The following CSMD1 variants were observed in gnomAD, a reference collection of about 807,000 sequenced individuals.
The protein encoded by CSMD1 is CUB and Sushi multiple domains 1.
Under a neutral mutation model 417.5 loss-of-function variants are expected in CSMD1, and 213 were observed. The observed-to-expected ratio is 0.51, with a 90% CI of 0.46 to 0.57. The LOEUF (loss-of-function observed/expected upper bound fraction) is 0.57, where lower values mean the gene tolerates loss of function less well. CSMD1 is among the 20% of genes least tolerant of loss of function. CSMD1 has a pLI of 0.00. For missense variants in CSMD1, 6,923 were observed against 4,529.7 expected (o/e 1.53, Z -15.17); for synonymous variants, 2,862 against 1,736.8 (o/e 1.65, Z -16.11).
chr8:3,546,394 G>T (rs1798665702), intron 10 of CSMD1, among the ~76,000 whole-genome samples: 1 of 152,112 alleles, frequency 6.6e-6, no homozygotes, highest in South Asian at 2.1e-4. Context: ...AAATTAGCTG[G>T]GTTTGGTGGC....
At chr8:3,005,246 T>C (rs985329815) in intron 52 of CSMD1, among the ~76,000 whole-genome samples, 3 of 152,208 alleles carry the variant, frequency 2.0e-5, no homozygotes, top group Non-Finnish European at 4.4e-5. Context: ...AATTTGAACG[T>C]CTTTCCTGAG....
At position 3,999,227 on chromosome 8, in the gene CSMD1, T is replaced by G. The variant is rs937727805; in HGVS notation, c.611-1117A>C. Among the ~76,000 whole-genome samples, 3 of 152,218 alleles carry G rather than the reference T, an allele frequency of 2.0e-5. 1 individual carries two copies. On this transcript the variant is annotated intron_variant, in intron 4 of 69. Transcript: ENST00000635120. The stretch of plus-strand genomic sequence containing the variant: ...TATATTTAACAGTCATTAATTCTGA[T>G]ACTGCAATGTGGATGATATGTAAAA...
intron 3 of CSMD1, among the ~76,000 whole-genome samples, chr8:4,162,825 T>C (rs528959548): frequency 6.6e-6 from 1 of 152,310 alleles, no homozygotes; most frequent in South Asian, 2.1e-4. Context: ...GATAAATATA[T>C]AATGCTATGT....
intron 1 of CSMD1, among the ~76,000 whole-genome samples, chr8:4,729,398 G>A (rs1585009584): frequency 6.6e-6 from 1 of 152,122 alleles, no homozygotes; most frequent in South Asian, 2.1e-4. Context: ...TGAAAAAAGG[G>A]GAAAAATAAA....
chr8:4,716,169 G>C (rs1443037283), intron 1 of CSMD1, among the ~76,000 whole-genome samples: 1 of 152,176 alleles, frequency 6.6e-6, no homozygotes, highest in African/African-American at 2.4e-5. Context: ...ACTTCAGCGA[G>C]GAATCCCCCT....
chr8:4,950,746 T>C (rs542618232), intron 1 of CSMD1, among the ~76,000 whole-genome samples: 2 of 152,228 alleles, frequency 1.3e-5, no homozygotes, highest in African/African-American at 2.4e-5. Context: ...TCAAACAATA[T>C]AGCATTATTT....
At chr8:4,671,244 T>C (rs938780771) in intron 1 of CSMD1, among the ~76,000 whole-genome samples, 2 of 152,224 alleles carry the variant, frequency 1.3e-5, no homozygotes, top group African/African-American at 2.4e-5. Flanking sequence ...TTGAAGTCAT[T>C]AGATAATTTC....
At chr8:3,933,107 A>G (rs1810267197) in intron 5 of CSMD1, among the ~76,000 whole-genome samples, 2 of 149,714 alleles carry the variant, frequency 1.3e-5, no homozygotes, top group African/African-American at 2.5e-5. Flanking sequence ...TCCTCTTTAT[A>G]TATCTGGTTT....
intron 15 of CSMD1, among the ~76,000 whole-genome samples, chr8:3,401,365 C>T (rs545679221): frequency 3.9e-5 from 6 of 152,074 alleles, no homozygotes; most frequent in Admixed American, 6.6e-5. Flanking sequence ...GTCTAACTTG[C>T]CAAATATTAA....
chr8:4,398,141 A>G (rs145196707), intron 3 of CSMD1, among the ~76,000 whole-genome samples: 24 of 152,262 alleles, frequency 1.6e-4, no homozygotes, highest in African/African-American at 5.5e-4. Flanking sequence ...AAGTGTTTAG[A>G]GCAGGTGGTT....
chr8:3,660,644 C>G (rs1470823898), intron 7 of CSMD1, among the ~76,000 whole-genome samples: 1 of 151,592 alleles, frequency 6.6e-6, no homozygotes, highest in Non-Finnish European at 1.5e-5. Flanking sequence ...CCTCAGCCTC[C>G]TGAGTAGCTG....
chr8:4,824,960 C>A (rs940076289), intron 1 of CSMD1, among the ~76,000 whole-genome samples: 2 of 152,068 alleles, frequency 1.3e-5, no homozygotes, highest in African/African-American at 4.8e-5. Context: ...AAAGTAGAAG[C>A]AATCAAAGAA....
intron 51 of CSMD1, among the ~76,000 whole-genome samples, chr8:3,025,946 A>G (rs1386743226): frequency 6.6e-6 from 1 of 152,204 alleles, no homozygotes; most frequent in Non-Finnish European, 1.5e-5. Flanking sequence ...AGTTATAAAA[A>G]GGTCTTTGGG....
At chr8:4,752,935 G>C (rs1450060749) in intron 1 of CSMD1, among the ~76,000 whole-genome samples, 2 of 152,152 alleles carry the variant, frequency 1.3e-5, no homozygotes, top group East Asian at 3.9e-4. Flanking sequence ...CCAGTGGCGT[G>C]ATGATGCTCA....
rs542506420 is a variant in CSMD1 at position 3,608,288 on chromosome 8, C to A, written c.1097+8422G>T. ...TATTGCAGCTCATGCAGAATCAGGGCTGTGGCCACATGGAGCTCTTTATGG... is the reference window on the plus strand; with the variant it reads ...TATTGCAGCTCATGCAGAATCAGGGATGTGGCCACATGGAGCTCTTTATGG... On this transcript the variant is annotated intron_variant, in intron 8 of 69. Coordinates refer to ENST00000635120, the MANE Select transcript of CSMD1 (RefSeq NM_033225.6). Among the ~76,000 whole-genome samples, 15 of 151,944 alleles carry A rather than the reference C, an allele frequency of 9.9e-5. No individual in the cohort carries two copies. The South Asian group carries it at 2.9e-3, about 30-fold the overall frequency.
intron 10 of CSMD1, among the ~76,000 whole-genome samples, chr8:3,514,162 G>A (rs1797191780): frequency 6.6e-6 from 1 of 152,184 alleles, no homozygotes; most frequent in Admixed American, 6.5e-5. Context: ...CCAGGAAGCT[G>A]TCATAGCTTG....
intron 12 of CSMD1, among the ~76,000 whole-genome samples, chr8:3,434,981 G>T (rs925698309): frequency 6.6e-6 from 1 of 152,148 alleles, no homozygotes; most frequent in Non-Finnish European, 1.5e-5. Context: ...TATCCCCCCA[G>T]GGAGCTGGTA....
At chr8:4,955,513 T>G (rs1585402415) in intron 1 of CSMD1, among the ~76,000 whole-genome samples, 1 of 151,768 alleles carries the variant, frequency 6.6e-6, no homozygotes, top group Non-Finnish European at 1.5e-5. Context: ...TGGAGTGCAG[T>G]GGCATGATCT....
chr8:3,106,445 A>G (rs1585364095), intron 46 of CSMD1, 83 bp downstream of exon 46: 2 of 789,176 alleles, frequency 2.5e-6, no homozygotes, highest in South Asian at 1.9e-5. Flanking sequence ...TCACATCTAT[A>G]CAAAGAAATG....
Sources: gnomAD v4.1 joint callset for allele counts (sites outside exome capture counted in the v4.1 genomes callset) on GRCh38, gnomAD v4.1.1 for gene constraint, MANE v1.5 for transcripts, NCBI Gene and HGNC (gene_info 2026-07-23, HGNC 2026-07-21) for gene names.